POMT2: variants seen among roughly 807,000 people sequenced by gnomAD.
POMT2 encodes protein O-mannosyltransferase 2.
POMT2 carries 75 observed loss-of-function variants against 100.0 expected under a neutral mutation model. The observed-to-expected ratio is 0.75, with a 90% CI of 0.62 to 0.91. POMT2 has a LOEUF of 0.91. POMT2 is among the 40% of genes least tolerant of loss of function. The pLI, the probability that POMT2 is intolerant of heterozygous loss-of-function variation, is 0.00. For synonymous variants in POMT2, 378 were observed against 374.1 expected (o/e 1.01, Z -0.12); for missense variants, 940 against 955.1 (o/e 0.98, Z 0.21).
At chr14:77,290,413 T>C (rs1278901906) in intron 10 of POMT2, among the ~76,000 whole-genome samples, 3 of 152,232 alleles carry the variant, frequency 2.0e-5, no homozygotes, top group Admixed American at 6.5e-5. Flanking sequence ...AAAGTGGTTG[T>C]ATACGCCACG....
chr14:77,303,326 G>A (rs1257833053), intron 4 of POMT2, among the ~76,000 whole-genome samples: 2 of 152,108 alleles, frequency 1.3e-5, no homozygotes, highest in East Asian at 3.8e-4. Flanking sequence ...CATTTTACAT[G>A]AAGTCTCTCT....
At chr14:77,292,507 G>A (rs1439897049) in intron 9 of POMT2, among the ~76,000 whole-genome samples, 3 of 152,132 alleles carry the variant, frequency 2.0e-5, no homozygotes, top group Non-Finnish European at 4.4e-5. Context: ...ATTCAAACCA[G>A]GGCCGCAAAA....
At chr14:77,289,203 C>A (rs1890553727) in intron 10 of POMT2, among the ~76,000 whole-genome samples, 2 of 151,956 alleles carry the variant, frequency 1.3e-5, no homozygotes, top group East Asian at 3.9e-4. Context: ...CAAGCCTGGC[C>A]AACATGGTGA....
Position 77,278,712 on chromosome 14 carries a change from A to C in POMT2, c.2032+17T>G, listed in dbSNP as rs765046093. 2 of 1,613,734 alleles carry C rather than the reference A, an allele frequency of 1.2e-6. No homozygotes were observed. The highest frequency in any genetic ancestry group is 8.5e-7 in the Non-Finnish European group (1 of 1,179,884). ...TCCACCTGCTCTGTCTCCCAAGTCC[A>C]GGTGGGTGGCACTGACCTGTCAACA... On this transcript the variant is annotated intron_variant, in intron 19 of 20. Coordinates refer to ENST00000261534, the MANE Select transcript of POMT2 (RefSeq NM_013382.7).
intron 12 of POMT2, among the ~76,000 whole-genome samples, chr14:77,286,040 G>A (rs1451547261): frequency 1.3e-5 from 2 of 152,186 alleles, no homozygotes; most frequent in African/African-American, 4.8e-5. Context: ...AAGCCAGAAA[G>A]GTCTGGCCTG....
At chr14:77,283,929 G>T in intron 14 of POMT2, 56 bp from the exon 15 acceptor site, 1 of 1,395,144 alleles carries the variant, frequency 7.2e-7, no homozygotes, top group Non-Finnish European at 1.0e-6. Flanking sequence ...TCCTCAGTCT[G>T]TCCATGGTGT....
intron 1 of POMT2, 50 bp downstream of exon 1, chr14:77,320,384 C>A: frequency 6.5e-7 from 1 of 1,542,480 alleles, no homozygotes; most frequent in Non-Finnish European, 8.7e-7. Flanking sequence ...CAGAGGGCGG[C>A]GTCCCGTCGC....
intron 6 of POMT2, chr14:77,300,454 C>T (rs777766355): frequency 6.4e-6 from 1 of 156,196 alleles, no homozygotes; most frequent in African/African-American, 2.4e-5. Flanking sequence ...TAGAATCAGC[C>T]CTTAATAAAT....
rs745417690 is a variant in POMT2 at position 77,320,554 on chromosome 14, T to C, written c.128A>G (p.Lys43Arg). ...GCGCCGTGAGCCCCAAGCAGGCCGT[T>C]TGGGGCTTCGCGCCACAGCCTCAGC... ...VAAEAVARSP[K>R]RPAWGSRRFE... The change falls in exon 1 of 21, where the codon AAA becomes AGA. Residue 43 changes from lysine (K) to arginine (R), a missense_variant. Physicochemically the swap from Lys to Arg is conservative, Grantham distance 26. Coordinates refer to ENST00000261534, the MANE Select transcript of POMT2 (RefSeq NM_013382.7). 90 of 1,567,732 alleles carry C rather than the reference T, an allele frequency of 5.7e-5. No homozygotes were observed. The highest frequency in any genetic ancestry group is 3.0e-4 in the East Asian group (13 of 42,804).
rs1185504789 is a variant in POMT2, at chr14:77,285,500, C to T, written c.1465G>A (p.Gly489Arg). The change falls in exon 13 of 21, where the codon GGA becomes AGA. Residue 489 changes from glycine (G) to arginine (R), a missense_variant. Gly to Arg is a moderately radical substitution (Grantham distance 125). Transcript: ENST00000261534. ...LVTGCVLGSS[G>R]KVLPKWGWEQ... ...ACTTACCACTTGGGCAGAACCTTTCCCGAGGAGCCCAGGACACAACCTGTG... is the reference window on the plus strand; with the variant it reads ...ACTTACCACTTGGGCAGAACCTTTCTCGAGGAGCCCAGGACACAACCTGTG... The T allele has an allele frequency of 1.2e-6, 2 of 1,614,012 alleles. No individual in the cohort carries two copies. Among genetic ancestry groups the T allele is most frequent in the Admixed American group, 3.3e-5 (2 of 60,004 alleles).
In POMT2 at chr14:77,277,001, T is replaced by C. The variant is rs940814086; in HGVS notation, c.*375A>G. On this transcript the variant is annotated 3_prime_UTR_variant, in exon 21 of 21. Transcript: ENST00000261534. Reference sequence around the variant, plus strand: ...GAAAATATTACTATAGCCTGGACTATTTTAGAGTTTATGACACTCAGCTGT... The same window carrying C: ...GAAAATATTACTATAGCCTGGACTACTTTAGAGTTTATGACACTCAGCTGT... 8.2e-6 allele frequency: 2 copies of C among 242,488 alleles called. No homozygotes were observed. Among genetic ancestry groups the C allele is most frequent in the African/African-American group, 4.4e-5 (2 of 45,618 alleles). The allele number at this position is 242,488 out of a possible 1,614,324, so 15.0% of individuals were successfully genotyped here. A position where few individuals can be genotyped will look rare whatever the true frequency, so the allele number is the denominator to read the frequency against.
intron 11 of POMT2, chr14:77,287,146 G>A: frequency 5.5e-6 from 2 of 365,376 alleles, no homozygotes; most frequent in Non-Finnish European, 1.0e-5. Context: ...TAGCTTGCCT[G>A]ACTTAGGAGG....
chr14:77,314,128 C>T (rs759938093), intron 1 of POMT2, among the ~76,000 whole-genome samples: 4 of 152,186 alleles, frequency 2.6e-5, no homozygotes, highest in Non-Finnish European at 5.9e-5. Context: ...CTCTTGTGCT[C>T]CTCCAGGCCT....
In POMT2 at chr14:77,285,533, G is replaced by A; in HGVS notation, c.1432C>T (p.His478Tyr). 2.5e-6 allele frequency: 4 copies of A among 1,614,152 alleles called. No homozygotes were observed. The highest frequency in any genetic ancestry group is 1.3e-5 in the African/African-American group (1 of 75,034). ...CCCAGGACACAACCTGTGACCAAAT[G>A]GATGAAGCGAATTCGACTTCTCAGC... is the stretch of plus-strand genomic sequence containing the variant. The part of the protein sequence containing the change: ...KVLRSRIRFI[H>Y]LVTGCVLGSS... Residue 478 changes from histidine (H) to tyrosine (Y), a missense_variant, in exon 13 of 21, where the codon CAT (histidine) becomes TAT (tyrosine). By Grantham distance (83) the His-to-Tyr change is moderately conservative (BLOSUM62 2). Coordinates refer to ENST00000261534, the MANE Select transcript of POMT2 (RefSeq NM_013382.7).
chr14:77,316,589 A>G (rs973469143), intron 1 of POMT2, among the ~76,000 whole-genome samples: 2 of 151,134 alleles, frequency 1.3e-5, no homozygotes, highest in East Asian at 1.9e-4. Context: ...AAAAAAAAAA[A>G]AGAGTATAGC....
At chr14:77,295,826 G>C (rs544382551) in intron 9 of POMT2, among the ~76,000 whole-genome samples, 2 of 151,980 alleles carry the variant, frequency 1.3e-5, no homozygotes, top group East Asian at 3.9e-4. Context: ...AGCCTTCCAG[G>C]AGCTAGCAAT....
chr14:77,276,663 T>C lies in POMT2; in HGVS notation c.*713A>G, dbSNP rs1201966407. On this transcript the variant is annotated 3_prime_UTR_variant, in exon 21 of 21. Transcript: ENST00000261534. ...TCCCAAAAAACGAGGAACCAAGGGCTAAGGCAGGCTGACGCTCCGGAGTCC... is the reference window on the plus strand; with the variant it reads ...TCCCAAAAAACGAGGAACCAAGGGCCAAGGCAGGCTGACGCTCCGGAGTCC... 2 of 152,958 alleles carry C rather than the reference T, an allele frequency of 1.3e-5. No individual in the cohort carries two copies. 9.5% of individuals were successfully genotyped at this position (152,958 alleles called of 1,614,324 possible). A position where few individuals can be genotyped will look rare whatever the true frequency, so the allele number is the denominator to read the frequency against.
In POMT2 at chr14:77,289,987, C is replaced by T. The variant is rs1890580917; in HGVS notation, c.1184-1156G>A. On this transcript the variant is annotated intron_variant, in intron 10 of 20. Coordinates refer to ENST00000261534, the MANE Select transcript of POMT2 (RefSeq NM_013382.7). Reference sequence around the variant, plus strand: ...ATCAGAGAACTCAACCGCAGAGACACCCATTTCCATGCTGCCTGTTAGGGT... The same window carrying T: ...ATCAGAGAACTCAACCGCAGAGACATCCATTTCCATGCTGCCTGTTAGGGT... 1.3e-5 allele frequency among the ~76,000 whole-genome samples: 2 copies of T among 152,186 alleles called. 1 individual carries two copies. The highest frequency in any genetic ancestry group is 4.1e-4 in the South Asian group (2 of 4,824).
chr14:77,279,914 C>A lies in POMT2; in HGVS notation c.1800G>T (p.Leu600=), dbSNP rs757165656. 1.2e-6 allele frequency: 2 copies of A among 1,613,996 alleles called. No individual in the cohort carries two copies. The highest frequency in any genetic ancestry group is 2.2e-5 in the South Asian group (2 of 91,080). The change falls in exon 18 of 21, where the codon CTG becomes CTT. Residue 600 remains leucine (L), a synonymous_variant. Transcript: ENST00000261534. ...GGTAGAGGGCGATGCTCAACAGATTCAGCCACCAAACCACCTGTGCAGAAA... is the reference window on the plus strand; with the variant it reads ...GGTAGAGGGCGATGCTCAACAGATTAAGCCACCAAACCACCTGTGCAGAAA... ...YLLGNPVVWW[L]NLLSIALYLL... is the part of the protein sequence containing the mutation.
Sources: allele counts gnomAD v4.1 joint callset (sites outside exome capture counted in the v4.1 genomes callset), GRCh38; gene constraint gnomAD v4.1.1; transcripts MANE v1.5; gene names NCBI Gene and HGNC (gene_info 2026-07-23, HGNC 2026-07-21).